The following PAG1 variants were observed in gnomAD, a reference collection of about 807,000 sequenced individuals.
PAG1 encodes the protein phosphoprotein associated with glycosphingolipid-enriched microdomains 1.
A neutral mutation model predicts 31.7 loss-of-function variants in PAG1; 23 were observed. The observed-to-expected ratio is 0.73, with a 90% CI of 0.52 to 1.03. The LOEUF is 1.03. PAG1 is among the 50% of genes least tolerant of loss of function. The pLI is 0.00. For synonymous variants in PAG1, 214 were observed against 210.3 expected (o/e 1.02, Z -0.15); for missense variants, 473 against 540.7 (o/e 0.87, Z 1.24).
At chr8:80,997,607 T>C (rs1807705983) in intron 3 of PAG1, among the ~76,000 whole-genome samples, 1 of 152,228 alleles carries the variant, frequency 6.6e-6, no homozygotes, top group Non-Finnish European at 1.5e-5. Flanking sequence ...GTGTAAATAT[T>C]CTTTGAGTTA....
intron 1 of PAG1, among the ~76,000 whole-genome samples, chr8:81,087,645 G>A (rs1361126385): frequency 1.3e-5 from 2 of 152,172 alleles, no homozygotes; most frequent in Non-Finnish European, 2.9e-5. Context: ...TAATAACTGA[G>A]TAAAAGAAAC....
At chr8:81,090,829 C>T (rs186491679) in intron 1 of PAG1, among the ~76,000 whole-genome samples, 7 of 148,592 alleles carry the variant, frequency 4.7e-5, no homozygotes, top group Admixed American at 2.6e-4. Flanking sequence ...GGGGTCTGAT[C>T]GCAAAAGACT....
At chr8:81,018,529 A>G (rs1202820165) in intron 3 of PAG1, among the ~76,000 whole-genome samples, 1 of 152,172 alleles carries the variant, frequency 6.6e-6, no homozygotes, top group Non-Finnish European at 1.5e-5. Context: ...GAGGGACCCA[A>G]TGGGAGGTGA....
rs1258566537 is a variant in PAG1 at position 81,055,061 on chromosome 8, A to ATTTCTTTTTT, written c.-175+15041_-175+15050dup. ...AAGACACTAACTCATCACTGAATTA[A>ATTTCTTTTTT]TTTCTTTTTTTTTCTTTTTTTTTTT... On this transcript the variant is annotated intron_variant, in intron 2 of 8. Transcript: ENST00000220597. Among the ~76,000 whole-genome samples, 4 of 149,798 alleles carry ATTTCTTTTTT rather than the reference A, an allele frequency of 2.7e-5. No individual in the cohort carries two copies. In the South Asian group the frequency reaches 8.4e-4, roughly 32 times the overall value.
intron 3 of PAG1, among the ~76,000 whole-genome samples, chr8:81,004,390 T>G (rs755181341): frequency 6.6e-6 from 1 of 152,198 alleles, no homozygotes; most frequent in Non-Finnish European, 1.5e-5. Context: ...TTCACTGGTT[T>G]CTTGACCAAT....
At position 80,967,897 on chromosome 8, in the gene PAG1, A is replaced by G. The variant is rs1180883226; in HGVS notation, c.*8647T>C. On this transcript the variant is annotated 3_prime_UTR_variant, in exon 9 of 9. Transcript: ENST00000220597. ...TAATTACAACATACCTGCTATTTACATGTAATCATACTTTTATATATAGCT... is the reference window on the plus strand; with the variant it reads ...TAATTACAACATACCTGCTATTTACGTGTAATCATACTTTTATATATAGCT... 1.3e-5 allele frequency: 2 copies of G among 152,246 alleles called. No individual in the cohort carries two copies. 9.4% of individuals were successfully genotyped at this position (152,246 alleles called of 1,614,324 possible).
intron 1 of PAG1, among the ~76,000 whole-genome samples, chr8:81,093,438 C>T (rs1470014513): frequency 2.0e-5 from 3 of 152,120 alleles, no homozygotes; most frequent in Non-Finnish European, 4.4e-5. Context: ...TAAATGCTTT[C>T]GCATTTTATC....
At chr8:81,085,203 C>T in intron 1 of PAG1, among the ~76,000 whole-genome samples, 1 of 152,152 alleles carries the variant, frequency 6.6e-6, no homozygotes, top group East Asian at 1.9e-4. Context: ...AAATTCATCA[C>T]ATTATTGCTT....
At chr8:81,058,480 G>A (rs897244216) in intron 2 of PAG1, 6 of 152,340 alleles carry the variant, frequency 3.9e-5, no homozygotes, top group African/African-American at 1.4e-4. Flanking sequence ...AGCTGGTGGT[G>A]TGTGCCTGTA....
intron 3 of PAG1, among the ~76,000 whole-genome samples, chr8:80,998,416 C>T (rs1191238491): frequency 6.6e-6 from 1 of 152,062 alleles, no homozygotes; most frequent in African/African-American, 2.4e-5. Flanking sequence ...GCGTGAACCA[C>T]CATGACCGGC....
At chr8:80,981,862 CTTTT>C (rs57438015) in intron 7 of PAG1, among the ~76,000 whole-genome samples, 16,923 of 102,572 alleles carry the variant, frequency 0.16, 1,062 homozygotes, top group East Asian at 0.43. Context: ...ATCTCACTTC[CTTTT>C]TTTTTTTTTT....
At chr8:81,023,765 T>A (rs1375169917) in intron 3 of PAG1, among the ~76,000 whole-genome samples, 5 of 152,156 alleles carry the variant, frequency 3.3e-5, no homozygotes, top group African/African-American at 4.8e-5. Context: ...TAGACTAATA[T>A]AAAACTCCAC....
intron 6 of PAG1, among the ~76,000 whole-genome samples, chr8:80,986,486 C>A (rs1250819984): frequency 2.6e-5 from 4 of 152,142 alleles, no homozygotes; most frequent in African/African-American, 7.2e-5. Context: ...GTACACAATG[C>A]ATGATGCAGA....
chr8:81,066,243 A>C (rs1025031497), intron 2 of PAG1, among the ~76,000 whole-genome samples: 6 of 152,258 alleles, frequency 3.9e-5, no homozygotes, highest in Non-Finnish European at 5.9e-5. Flanking sequence ...ATTTAGGTCC[A>C]TTTGCAAAGT....
At position 81,064,210 on chromosome 8, in the gene PAG1, A is replaced by T. The variant is rs537299162; in HGVS notation, c.-175+5902T>A. Among the ~76,000 whole-genome samples the T allele has an allele frequency of 2.6e-5, 4 of 152,140 alleles. No individual in the cohort carries two copies. The East Asian group carries it at 7.7e-4, about 29-fold the overall frequency. On this transcript the variant is annotated intron_variant, in intron 2 of 8. Coordinates refer to ENST00000220597, the MANE Select transcript of PAG1 (RefSeq NM_018440.4). ...AGACAATTTTTCCACAGGCAGGGGG[A>T]GTGGGGATGTTTTCGGGATGAAACT...
rs750461517 is a variant in PAG1, at chr8:80,971,677, A to C, written c.*4867T>G. ...ATTACTGAATTGAACGCTTTTTAAAAAATGTCTTTTAAGCAAAAATTGTAT... is the reference window on the plus strand; with the variant it reads ...ATTACTGAATTGAACGCTTTTTAAACAATGTCTTTTAAGCAAAAATTGTAT... On this transcript the variant is annotated 3_prime_UTR_variant, in exon 9 of 9. Transcript: ENST00000220597. 9.2e-5 allele frequency: 14 copies of C among 152,220 alleles called. No homozygotes were observed. The highest frequency in any genetic ancestry group is 1.6e-4 in the Non-Finnish European group (11 of 68,024). 9.4% of individuals were successfully genotyped at this position (152,220 alleles called of 1,614,324 possible).
intron 1 of PAG1, among the ~76,000 whole-genome samples, chr8:81,104,605 C>T (rs1163271882): frequency 6.6e-6 from 1 of 152,144 alleles, no homozygotes; most frequent in Non-Finnish European, 1.5e-5. Context: ...TCTTCTCCTG[C>T]AAACTGCTCC....
chr8:80,980,435 CTCT>C lies in PAG1; in HGVS notation c.933_935del (p.Glu312del), dbSNP rs1254288522. ...CTTTTTAAAAAGAAACAAAACTTAC[CTCT>C]TCTTCTGTGAGAGTGGGGTCTTCTT... is the stretch of plus-strand genomic sequence containing the variant. On this transcript the variant is annotated inframe_deletion and splice_region_variant, in exon 8 of 9. Transcript: ENST00000220597. 5 of 1,575,432 alleles carry C rather than the reference CTCT, an allele frequency of 3.2e-6. No individual in the cohort carries two copies. Among genetic ancestry groups the C allele is most frequent in the African/African-American group, 1.3e-5 (1 of 74,214 alleles).
At chr8:80,988,040 C>T (rs966815603) in intron 5 of PAG1, among the ~76,000 whole-genome samples, 15 of 152,210 alleles carry the variant, frequency 9.9e-5, no homozygotes, top group African/African-American at 3.6e-4. Context: ...AGATACAGAA[C>T]ACTTCCAGCA....
Sources: allele counts gnomAD v4.1 joint callset (sites outside exome capture counted in the v4.1 genomes callset), GRCh38; gene constraint gnomAD v4.1.1; transcripts MANE v1.5; gene names NCBI Gene and HGNC (gene_info 2026-07-23, HGNC 2026-07-21).